ZSWIM6: variants seen among roughly 807,000 people sequenced by gnomAD.
ZSWIM6 encodes zinc finger SWIM-type containing 6.
Under a neutral mutation model 113.2 loss-of-function variants are expected in ZSWIM6, and 9 were observed. The observed-to-expected ratio is 0.08, with a 90% CI of 0.05 to 0.14. The LOEUF is 0.14. Ranked by LOEUF, ZSWIM6 falls within the 10% of genes least tolerant of loss-of-function variation. ZSWIM6 has a pLI of 1.00. For missense variants in ZSWIM6, 1,162 were observed against 1,552.2 expected, an observed-to-expected ratio of 0.75 and a Z score of 4.22; for synonymous variants, 611 against 606.5, an observed-to-expected ratio of 1.01 and a Z score of -0.11.
At position 61,543,416 on chromosome 5, in the gene ZSWIM6, C is replaced by T; in HGVS notation, c.2786-39C>T. 6.6e-7 allele frequency: 1 copy of T among 1,520,312 alleles called. No individual in the cohort carries two copies. The highest frequency in any genetic ancestry group is 8.8e-7 in the Non-Finnish European group (1 of 1,131,060). 94.2% of individuals were successfully genotyped at this position (1,520,312 alleles called of 1,614,324 possible). ...AAATAAGGCAGGACCTCTGGGCAGC[C>T]TCCTCGTCAGTAATAGAGCCTGTTT... On this transcript the variant is annotated intron_variant, in intron 13 of 13. Coordinates refer to ENST00000252744, the MANE Select transcript of ZSWIM6 (RefSeq NM_020928.2). The surrounding 1 kb of genome is among the most constrained non-coding windows in gnomAD (Gnocchi z 4.3).
At chr5:61,409,497 A>C (rs1746113338) in intron 1 of ZSWIM6, among the ~76,000 whole-genome samples, 1 of 152,170 alleles carries the variant, frequency 6.6e-6, no homozygotes, top group African/African-American at 2.4e-5. Flanking sequence ...ATTACTGCTG[A>C]TTTTCAGCCT....
At chr5:61,458,907 G>A (rs1561245964) in intron 1 of ZSWIM6, among the ~76,000 whole-genome samples, 3 of 151,662 alleles carry the variant, frequency 2.0e-5, no homozygotes, top group Non-Finnish European at 1.5e-5. Flanking sequence ...AAAAAAGGAG[G>A]CCAAAGACTC....
chr5:61,444,403 A>G (rs961257827), intron 1 of ZSWIM6, among the ~76,000 whole-genome samples: 2 of 152,014 alleles, frequency 1.3e-5, no homozygotes, highest in Non-Finnish European at 2.9e-5. Context: ...TGCTGCTATA[A>G]ACATACGTGT....
chr5:61,336,398 C>T (rs922571957), intron 1 of ZSWIM6, among the ~76,000 whole-genome samples: 1 of 152,140 alleles, frequency 6.6e-6, no homozygotes, highest in African/African-American at 2.4e-5. Context: ...AAGTTATTTT[C>T]TGGCGAAGAG....
intron 1 of ZSWIM6, among the ~76,000 whole-genome samples, chr5:61,400,615 T>G (rs1745925719): frequency 6.6e-6 from 1 of 152,234 alleles, no homozygotes; most frequent in Non-Finnish European, 1.5e-5. Flanking sequence ...GATGGGCAGC[T>G]TATTTTTTTG....
intron 6 of ZSWIM6, 122 bp from the exon 7 acceptor site, chr5:61,526,128 G>A: frequency 7.0e-7 from 1 of 1,427,106 alleles, no homozygotes; most frequent in Non-Finnish European, 9.3e-7. Context: ...TCAAATCCAA[G>A]TTCAGGAATG....
intron 1 of ZSWIM6, chr5:61,391,352 G>T: frequency 2.4e-6 from 2 of 823,386 alleles, no homozygotes; most frequent in South Asian, 2.7e-5. Context: ...TTCCTCTGGT[G>T]CAGAGGAAGC....
chr5:61,380,331 C>T (rs1189050492), intron 1 of ZSWIM6, among the ~76,000 whole-genome samples: 2 of 152,300 alleles, frequency 1.3e-5, no homozygotes, highest in South Asian at 2.1e-4. Flanking sequence ...CTGCCTCGGC[C>T]TCCCAAAGTG....
intron 2 of ZSWIM6, among the ~76,000 whole-genome samples, chr5:61,477,832 A>G (rs1160829393): frequency 2.0e-5 from 3 of 152,154 alleles, no homozygotes; most frequent in Non-Finnish European, 4.4e-5. Context: ...TGTAATAAGC[A>G]CTCATATTTG....
intron 1 of ZSWIM6, chr5:61,375,670 G>T: frequency 6.5e-7 from 1 of 1,546,474 alleles, no homozygotes; most frequent in South Asian, 1.2e-5. Flanking sequence ...GTATTCTGAA[G>T]ATAAACCTTT....
intron 1 of ZSWIM6, among the ~76,000 whole-genome samples, chr5:61,396,166 C>T (rs1057079957): frequency 1.3e-5 from 2 of 152,104 alleles, no homozygotes; most frequent in African/African-American, 4.8e-5. Flanking sequence ...TCTTTATCAC[C>T]TTCATCTTCC....
intron 1 of ZSWIM6, among the ~76,000 whole-genome samples, chr5:61,390,356 G>A (rs1266231925): frequency 1.3e-5 from 2 of 152,242 alleles, no homozygotes; most frequent in Admixed American, 6.5e-5. Context: ...GACTAGCATT[G>A]TACTCAAATC....
rs1218175273 is a variant in ZSWIM6 at position 61,543,912 on chromosome 5, C to A, written c.3243C>A (p.Ser1081=). ...TGTGGGCCTGTGCGCTTAGCCACTC[C>A]CTTGGTAAAAATGAGCTTGCAGCTA... The part of the protein sequence containing the change: ...DVLWACALSH[S]LGKNELAAII... The change falls in exon 14 of 14, where the codon TCC becomes TCA. Residue 1081 remains serine (S), a synonymous_variant. Coordinates refer to ENST00000252744, the MANE Select transcript of ZSWIM6 (RefSeq NM_020928.2). This position sits in a 1 kb window ranked among gnomAD's most constrained non-coding sequence, Gnocchi z 4.3. 1.3e-6 allele frequency: 2 copies of A among 1,551,840 alleles called. No individual in the cohort carries two copies. The highest frequency in any genetic ancestry group is 8.7e-7 in the Non-Finnish European group (1 of 1,147,022).
chr5:61,395,204 A>C (rs928065631), intron 1 of ZSWIM6, among the ~76,000 whole-genome samples: 1 of 152,066 alleles, frequency 6.6e-6, no homozygotes, highest in Non-Finnish European at 1.5e-5. Context: ...AGGGGGCACA[A>C]TTTCAGTCAG....
At chr5:61,453,474 C>A (rs1047140177) in intron 1 of ZSWIM6, among the ~76,000 whole-genome samples, 4 of 151,312 alleles carry the variant, frequency 2.6e-5, no homozygotes, top group African/African-American at 9.7e-5. Context: ...CTCCTGGGCT[C>A]AAGTGATCCT....
chr5:61,371,548 G>A (rs934111810), intron 1 of ZSWIM6, among the ~76,000 whole-genome samples: 6 of 152,204 alleles, frequency 3.9e-5, no homozygotes, highest in Admixed American at 1.3e-4. Context: ...TTGTAAGAGA[G>A]TTTTATTTGT....
At chr5:61,461,372 T>G (rs2112168702) in intron 1 of ZSWIM6, among the ~76,000 whole-genome samples, 1 of 152,272 alleles carries the variant, frequency 6.6e-6, no homozygotes, top group African/African-American at 2.4e-5. Flanking sequence ...ATTTAATAAG[T>G]GAGAGAAAAA....
intron 4 of ZSWIM6, among the ~76,000 whole-genome samples, chr5:61,498,827 G>A (rs1400188224): frequency 6.6e-6 from 1 of 152,124 alleles, no homozygotes; most frequent in African/African-American, 2.4e-5. Context: ...CAATCTCTGT[G>A]TACCAGAAGT....
intron 1 of ZSWIM6, among the ~76,000 whole-genome samples, chr5:61,437,795 A>T (rs1039698727): frequency 6.6e-6 from 1 of 151,538 alleles, no homozygotes; most frequent in African/African-American, 2.4e-5. Context: ...ATGTAGATTT[A>T]TAAAGCCAGA....
Sources: allele counts gnomAD v4.1 joint callset (sites outside exome capture counted in the v4.1 genomes callset), GRCh38; gene constraint gnomAD v4.1.1; non-coding constraint Gnocchi (gnomAD v3.1); transcripts MANE v1.5; gene names NCBI Gene and HGNC (gene_info 2026-07-23, HGNC 2026-07-21).